The following TMEM196 variants were observed in gnomAD, a reference collection of about 807,000 sequenced individuals.
The protein encoded by TMEM196 is transmembrane protein 196.
A neutral mutation model predicts 20.0 loss-of-function variants in TMEM196; 17 were observed. That is an observed-to-expected ratio of 0.85 (90% confidence interval 0.58 to 1.27). TMEM196 has a LOEUF of 1.27. TMEM196 is among the 50% of genes most tolerant of loss of function. The pLI, the probability that TMEM196 is intolerant of heterozygous loss-of-function variation, is 0.00. For synonymous variants in TMEM196, 113 were observed against 88.9 expected (o/e 1.27, Z -1.52); for missense variants, 267 against 223.0 (o/e 1.20, Z -1.26).
At chr7:19,755,265 T>C (rs1785160447) in intron 1 of TMEM196, among the ~76,000 whole-genome samples, 1 of 152,252 alleles carries the variant, frequency 6.6e-6, no homozygotes, top group Non-Finnish European at 1.5e-5. Flanking sequence ...ATTAATTATA[T>C]ATCTGTCATT....
At position 19,725,632 on chromosome 7, in the gene TMEM196, C is replaced by T; in HGVS notation, c.341G>A (p.Gly114Glu). Reference sequence around the variant, plus strand: ...GGAAGAGAGAGTGCAGCCCCCGATCCCAATGCACGCGAGAGACATGGAGGC... The same window carrying T: ...GGAAGAGAGAGTGCAGCCCCCGATCTCAATGCACGCGAGAGACATGGAGGC... The part of the protein sequence containing the change: ...HLASMSLACI[G>E]IGGCTLSSWL... Residue 114 changes from glycine (G) to glutamate (E), a missense_variant, in exon 3 of 5, where the codon GGG becomes GAG. By Grantham distance (98) the Gly-to-Glu change is moderately conservative. Coordinates refer to ENST00000405844, the MANE Select transcript of TMEM196 (RefSeq NM_001363562.2). The T allele has an allele frequency of 6.2e-7, 1 of 1,614,088 alleles. No homozygotes were observed. Among genetic ancestry groups the T allele is most frequent in the Non-Finnish European group, 8.5e-7 (1 of 1,180,004 alleles).
At chr7:19,727,921 A>AT (rs903612861) in intron 2 of TMEM196, among the ~76,000 whole-genome samples, 5 of 151,638 alleles carry the variant, frequency 3.3e-5, no homozygotes, top group East Asian at 3.9e-4. Flanking sequence ...TTGGAGTGAA[A>AT]TTTTTTTTTA....
chr7:19,765,696 TCTCA>T (rs1459379385), intron 1 of TMEM196, among the ~76,000 whole-genome samples: 1 of 152,154 alleles, frequency 6.6e-6, no homozygotes, highest in Non-Finnish European at 1.5e-5. Context: ...TACCACCCTC[TCTCA>T]CTCCAAAAGA....
rs147410153 is a variant in TMEM196 at position 19,741,732 on chromosome 7, T to C, written c.148-12294A>G. On this transcript the variant is annotated intron_variant, in intron 1 of 4. Transcript: ENST00000405844. ...GCACTGAGTGATGATTGCAAAAATA[T>C]GTTTTAGAGATGAGAAGTAATTTCC... 2.0e-3 allele frequency among the ~76,000 whole-genome samples: 308 copies of C among 152,270 alleles called. 2 individuals carry two copies. The highest frequency in any genetic ancestry group is 7.0e-3 in the African/African-American group (290 of 41,572).
intron 1 of TMEM196, among the ~76,000 whole-genome samples, chr7:19,733,336 A>G (rs1784279480): frequency 2.6e-5 from 4 of 152,204 alleles, no homozygotes. Flanking sequence ...CTCTTACAGT[A>G]AGGAAATGAT....
At chr7:19,768,971 A>C (rs1468592304) in intron 1 of TMEM196, among the ~76,000 whole-genome samples, 1 of 152,112 alleles carries the variant, frequency 6.6e-6, no homozygotes, top group East Asian at 1.9e-4. Flanking sequence ...GTTGCTTAAA[A>C]CCTTAATGCA....
intron 1 of TMEM196, among the ~76,000 whole-genome samples, chr7:19,741,808 A>G (rs12112698): frequency 0.24 from 36,185 of 152,024 alleles, 5,447 homozygotes; most frequent in East Asian, 0.46. Context: ...AATGATTTGC[A>G]AAATTTACCT....
chr7:19,754,782 A>C (rs1023821465), intron 1 of TMEM196, among the ~76,000 whole-genome samples: 2 of 152,222 alleles, frequency 1.3e-5, no homozygotes, highest in African/African-American at 4.8e-5. Context: ...CTTCATCTTC[A>C]AAAAGAGACA....
At chr7:19,739,558 A>G (rs1245681753) in intron 1 of TMEM196, among the ~76,000 whole-genome samples, 1 of 152,128 alleles carries the variant, frequency 6.6e-6, no homozygotes, top group African/African-American at 2.4e-5. Flanking sequence ...TGAACCCTCA[A>G]CAGACACTGA....
chr7:19,729,073 G>A (rs1249442740), intron 2 of TMEM196, among the ~76,000 whole-genome samples: 3 of 152,092 alleles, frequency 2.0e-5, no homozygotes, highest in Non-Finnish European at 2.9e-5. Flanking sequence ...GGATTCAGGC[G>A]ATTGTCTGGC....
chr7:19,758,287 C>T (rs1785296230), intron 1 of TMEM196, among the ~76,000 whole-genome samples: 1 of 152,128 alleles, frequency 6.6e-6, no homozygotes, highest in Non-Finnish European at 1.5e-5. Flanking sequence ...GGAAAAGATG[C>T]CAAAATTGGT....
At chr7:19,761,668 T>C (rs775877297) in intron 1 of TMEM196, among the ~76,000 whole-genome samples, 1 of 152,174 alleles carries the variant, frequency 6.6e-6, no homozygotes, top group East Asian at 1.9e-4. Context: ...TGGTGTTAAA[T>C]GAAGATGCAC....
intron 1 of TMEM196, among the ~76,000 whole-genome samples, chr7:19,757,005 A>G (rs577952793): frequency 2.0e-5 from 3 of 152,108 alleles, no homozygotes; most frequent in Non-Finnish European, 4.4e-5. Flanking sequence ...AGTTCCAGTA[A>G]TGGCTACAAG....
chr7:19,730,135 G>A (rs760123315), intron 1 of TMEM196, among the ~76,000 whole-genome samples: 4 of 151,898 alleles, frequency 2.6e-5, no homozygotes, highest in Admixed American at 1.3e-4. Context: ...AGGCGCCTAT[G>A]ATCCCAGCTA....
chr7:19,732,582 A>AC (rs1583423452), intron 1 of TMEM196, among the ~76,000 whole-genome samples: 1 of 128,358 alleles, frequency 7.8e-6, no homozygotes, highest in East Asian at 2.8e-4. Context: ...CAAAAAAAAA[A>AC]AACAAAAAAA....
chr7:19,742,499 A>G (rs1784614399), intron 1 of TMEM196, among the ~76,000 whole-genome samples: 1 of 152,082 alleles, frequency 6.6e-6, no homozygotes, highest in Non-Finnish European at 1.5e-5. Context: ...TTTGTAAGAT[A>G]TCACTGAAAG....
intron 1 of TMEM196, among the ~76,000 whole-genome samples, chr7:19,749,651 C>T (rs2128029702): frequency 6.6e-6 from 1 of 152,258 alleles, no homozygotes; most frequent in Admixed American, 6.5e-5. Flanking sequence ...TCTTTCAATG[C>T]AAGGAGAGAA....
chr7:19,761,304 G>A (rs1785425572), intron 1 of TMEM196, among the ~76,000 whole-genome samples: 1 of 152,132 alleles, frequency 6.6e-6, no homozygotes, highest in African/African-American at 2.4e-5. Flanking sequence ...TTTTCCTTAA[G>A]CTCAAACTAA....
intron 4 of TMEM196, among the ~76,000 whole-genome samples, chr7:19,722,897 A>T (rs1260681649): frequency 6.6e-6 from 1 of 152,108 alleles, no homozygotes; most frequent in African/African-American, 2.4e-5. Context: ...ATAAAAAGTG[A>T]TAGGATATGA....
Sources: allele counts gnomAD v4.1 joint callset (sites outside exome capture counted in the v4.1 genomes callset), GRCh38; gene constraint gnomAD v4.1.1; transcripts MANE v1.5; gene names NCBI Gene and HGNC (gene_info 2026-07-23, HGNC 2026-07-21).